PXDNL: variants seen among roughly 807,000 people sequenced by gnomAD.
PXDNL encodes probable oxidoreductase PXDNL.
Under a neutral mutation model 150.8 loss-of-function variants are expected in PXDNL, and 145 were observed. The ratio of observed to expected loss-of-function variants is 0.96; its 90% CI spans 0.84 to 1.10. The LOEUF (loss-of-function observed/expected upper bound fraction) is 1.10. PXDNL is among the 50% of genes least tolerant of loss of function. The pLI is 0.00. For synonymous variants in PXDNL, 757 were observed against 725.7 expected (o/e 1.04, Z -0.69); for missense variants, 2,087 against 1,873.9 (o/e 1.11, Z -2.10).
chr8:51,595,792 TAAAC>T (rs1206325817), intron 2 of PXDNL, among the ~76,000 whole-genome samples: 2 of 151,048 alleles, frequency 1.3e-5, no homozygotes, highest in African/African-American at 4.9e-5. Context: ...TATGTGATCA[TAAAC>T]AACGCATAAA....
intron 4 of PXDNL, among the ~76,000 whole-genome samples, chr8:51,532,010 C>T (rs1811917001): frequency 6.6e-6 from 1 of 152,202 alleles, no homozygotes; most frequent in South Asian, 2.1e-4. Flanking sequence ...TTTGCTACAA[C>T]AGCTTGCAAA....
At chr8:51,749,796 G>A (rs749083655) in intron 1 of PXDNL, among the ~76,000 whole-genome samples, 1 of 152,166 alleles carries the variant, frequency 6.6e-6, no homozygotes, top group Non-Finnish European at 1.5e-5. Context: ...CGACTCCCTG[G>A]TTCAAGCGAT....
chr8:51,724,987 CTTTTCT>C (rs1217649206), intron 1 of PXDNL, among the ~76,000 whole-genome samples: 1 of 151,774 alleles, frequency 6.6e-6, no homozygotes, highest in Non-Finnish European at 1.5e-5. Context: ...ATTTTTTTTT[CTTTTCT>C]TTTTCTTTTT....
intron 1 of PXDNL, among the ~76,000 whole-genome samples, chr8:51,760,925 C>A: frequency 7.8e-6 from 1 of 128,450 alleles, no homozygotes; most frequent in Non-Finnish European, 1.6e-5. Context: ...GTGGCGCGAT[C>A]TCAGCTCACT....
At chr8:51,754,866 C>T (rs975923105) in intron 1 of PXDNL, among the ~76,000 whole-genome samples, 1 of 151,974 alleles carries the variant, frequency 6.6e-6, no homozygotes, top group African/African-American at 2.4e-5. Flanking sequence ...TAGGAGAAGG[C>T]AATATTTGTT....
intron 1 of PXDNL, chr8:51,721,721 G>A (rs778193182): frequency 4.1e-5 from 19 of 462,346 alleles, no homozygotes; most frequent in Non-Finnish European, 6.4e-5. Context: ...ACAAGATCGG[G>A]AACTTCACTA....
At chr8:51,335,719 AC>A (rs1554526337) in intron 21 of PXDNL, among the ~76,000 whole-genome samples, 1 of 151,376 alleles carries the variant, frequency 6.6e-6, no homozygotes, top group Non-Finnish European at 1.5e-5. Context: ...ACACACACAC[AC>A]ATCCATGCCC....
At chr8:51,754,967 C>T (rs1003710538) in intron 1 of PXDNL, among the ~76,000 whole-genome samples, 2 of 152,206 alleles carry the variant, frequency 1.3e-5, no homozygotes, top group Admixed American at 1.3e-4. Flanking sequence ...ACGGGATCCT[C>T]CTGCCTGAGA....
At chr8:51,399,979 G>A (rs1321336729) in intron 17 of PXDNL, among the ~76,000 whole-genome samples, 1 of 152,124 alleles carries the variant, frequency 6.6e-6, no homozygotes, top group Non-Finnish European at 1.5e-5. Context: ...GATTTCTTCA[G>A]TTGAATATTT....
intron 3 of PXDNL, among the ~76,000 whole-genome samples, chr8:51,570,238 G>C (rs933667361): frequency 2.0e-5 from 3 of 150,628 alleles, no homozygotes; most frequent in African/African-American, 7.5e-5. Context: ...CTAACTGGAG[G>C]GGAAAACATG....
intron 1 of PXDNL, among the ~76,000 whole-genome samples, chr8:51,785,392 C>A (rs1325110824): frequency 6.6e-6 from 1 of 152,198 alleles, no homozygotes; most frequent in Admixed American, 6.5e-5. Context: ...CATGTACAGG[C>A]AGACTTTGTC....
At chr8:51,341,547 C>A (rs1351587151) in intron 20 of PXDNL, among the ~76,000 whole-genome samples, 1 of 152,138 alleles carries the variant, frequency 6.6e-6, no homozygotes, top group Non-Finnish European at 1.5e-5. Context: ...CTAGGTTGTG[C>A]AGCGAATCTC....
rs148525687 is a variant in PXDNL, at chr8:51,608,634, C to A, written c.237-15936G>T. On this transcript the variant is annotated intron_variant, in intron 2 of 22. Transcript: ENST00000356297. ...GGGCAGATCACGAGGTCAGGAGATC[C>A]AGACCATCCTGGCTAACACGGTGAA... Among the ~76,000 whole-genome samples the A allele has an allele frequency of 1.8e-3, 267 of 146,770 alleles. 7 individuals are homozygous for A. The highest frequency in any genetic ancestry group is 6.4e-3 in the African/African-American group (245 of 38,368).
intron 4 of PXDNL, among the ~76,000 whole-genome samples, chr8:51,548,696 C>A (rs529462468): frequency 1.3e-5 from 2 of 152,146 alleles, no homozygotes; most frequent in East Asian, 1.9e-4. Flanking sequence ...TTGAAACAAA[C>A]CCTCAAAGTA....
chr8:51,506,409 C>T (rs1411406807), intron 4 of PXDNL, among the ~76,000 whole-genome samples: 3 of 151,874 alleles, frequency 2.0e-5, no homozygotes, highest in South Asian at 2.1e-4. Context: ...GGCATGGTGG[C>T]GCGTGCCTGT....
intron 2 of PXDNL, among the ~76,000 whole-genome samples, chr8:51,620,747 G>A (rs1290776779): frequency 3.3e-5 from 5 of 151,898 alleles, no homozygotes; most frequent in Admixed American, 6.6e-5. Context: ...AGGTTTCCTC[G>A]TGTTGCCCAG....
At chr8:51,447,305 T>C in intron 11 of PXDNL, 143 bp from the exon 12 acceptor site, 3 of 702,252 alleles carry the variant, frequency 4.3e-6, no homozygotes, top group Non-Finnish European at 6.6e-6. Context: ...TGCCCTAGGA[T>C]TGCAACCCCA....
intron 2 of PXDNL, 140 bp from the exon 3 acceptor site, chr8:51,592,838 T>G: frequency 1.9e-6 from 1 of 516,556 alleles, no homozygotes; most frequent in Non-Finnish European, 3.3e-6. Flanking sequence ...AAATTTATAC[T>G]TTAATTCCCT....
intron 20 of PXDNL, among the ~76,000 whole-genome samples, chr8:51,344,154 G>A (rs1414717152): frequency 6.6e-6 from 1 of 151,938 alleles, no homozygotes; most frequent in Non-Finnish European, 1.5e-5. Flanking sequence ...ACTCAGGGTG[G>A]AGTATAGTGC....
Sources: gnomAD v4.1 joint callset for allele counts (sites outside exome capture counted in the v4.1 genomes callset) on GRCh38, gnomAD v4.1.1 for gene constraint, MANE v1.5 for transcripts, NCBI Gene and HGNC (gene_info 2026-07-23, HGNC 2026-07-21) for gene names.